The following G3BP1 variants were observed in gnomAD, a reference collection of about 807,000 sequenced individuals.
G3BP1 encodes ras GTPase-activating protein-binding protein 1.
A neutral mutation model predicts 58.6 loss-of-function variants in G3BP1; 35 were observed. The ratio of observed to expected loss-of-function variants is 0.60; its 90% CI spans 0.46 to 0.79. G3BP1 has a LOEUF of 0.79. G3BP1 is among the 30% of genes least tolerant of loss of function. The pLI is 0.00. For synonymous variants in G3BP1, 191 were observed against 195.4 expected (o/e 0.98, Z 0.19); for missense variants, 523 against 580.8 (o/e 0.90, Z 1.02).
intron 6 of G3BP1, 145 bp from the exon 7 acceptor site, chr5:151,797,082 C>G: frequency 1.4e-6 from 1 of 722,974 alleles, no homozygotes; most frequent in South Asian, 1.9e-5. Flanking sequence ...TTTTTAAAAA[C>G]TCAGATAGAT....
chr5:151,783,938 T>C (rs1762515338), intron 1 of G3BP1, among the ~76,000 whole-genome samples: 1 of 152,116 alleles, frequency 6.6e-6, no homozygotes, highest in Admixed American at 6.5e-5. Context: ...AATTTTTGTA[T>C]ATTTAGTAGA....
At position 151,811,089 on chromosome 5, in the gene G3BP1, C is replaced by T. The variant is rs567499699; in HGVS notation, c.*6998C>T. ...CCCCACATCCAGTCTTCAGCTAAGTCCTGTCAGTTCTACCTCAAGTCTTTC... is the reference window on the plus strand; with the variant it reads ...CCCCACATCCAGTCTTCAGCTAAGTTCTGTCAGTTCTACCTCAAGTCTTTC... On this transcript the variant is annotated 3_prime_UTR_variant, in exon 12 of 12. Coordinates refer to ENST00000356245, the MANE Select transcript of G3BP1 (RefSeq NM_005754.3). 1.3e-5 allele frequency: 2 copies of T among 152,222 alleles called. No individual in the cohort carries two copies. The highest frequency in any genetic ancestry group is 2.9e-5 in the Non-Finnish European group (2 of 68,036). The allele number at this position is 152,222 out of a possible 1,614,324, so 9.4% of individuals were successfully genotyped here.
chr5:151,783,919 C>T (rs1214774413), intron 1 of G3BP1, among the ~76,000 whole-genome samples: 2 of 151,942 alleles, frequency 1.3e-5, no homozygotes, highest in East Asian at 1.9e-4. Flanking sequence ...CGTGCCACCA[C>T]GGCCAGCTAA....
In G3BP1 at chr5:151,805,839, T is replaced by C. The variant is rs1001447185; in HGVS notation, c.*1748T>C. On this transcript the variant is annotated 3_prime_UTR_variant, in exon 12 of 12. Coordinates refer to ENST00000356245, the MANE Select transcript of G3BP1 (RefSeq NM_005754.3). ...CATGTGGTGGGTGGAAAGAAAAGTT[T>C]AGTCTGAGTCACTTTGGAAAAAAAA... is the stretch of plus-strand genomic sequence containing the variant. The C allele has an allele frequency of 5.3e-5, 8 of 152,200 alleles. No individual in the cohort carries two copies. Among genetic ancestry groups the C allele is most frequent in the Non-Finnish European group, 1.0e-4 (7 of 68,034 alleles). 9.4% of individuals were successfully genotyped at this position (152,200 alleles called of 1,614,324 possible).
intron 1 of G3BP1, among the ~76,000 whole-genome samples, chr5:151,780,333 TATATG>T (rs1394724847): frequency 2.0e-5 from 3 of 152,214 alleles, no homozygotes; most frequent in Non-Finnish European, 2.9e-5. Flanking sequence ...AATCTTTTAT[TATATG>T]ATATTATATT....
At chr5:151,787,462 T>A (rs1173069889) in intron 2 of G3BP1, 1 of 152,256 alleles carries the variant, frequency 6.6e-6, no homozygotes, top group African/African-American at 2.4e-5. Context: ...GAAACAATTT[T>A]TCTATATATA....
At chr5:151,793,831 C>CAAAA (rs751382380) in intron 4 of G3BP1, among the ~76,000 whole-genome samples, 2 of 97,800 alleles carry the variant, frequency 2.0e-5, no homozygotes, top group South Asian at 3.2e-4. Flanking sequence ...CGTCTCTACT[C>CAAAA]AAAAAAAAAA....
In G3BP1 at chr5:151,773,585, GAAAT is replaced by G. The variant is rs566258406; in HGVS notation, c.-50+1554_-50+1557del. On this transcript the variant is annotated intron_variant, in intron 1 of 11. Coordinates refer to ENST00000356245, the MANE Select transcript of G3BP1 (RefSeq NM_005754.3). ...AAGCCAACATACTCCTTGGCTTAGT[GAAAT>G]AAATCTTCTATGTTATAGAAACACT... 2.5e-4 allele frequency among the ~76,000 whole-genome samples: 38 copies of G among 152,260 alleles called. No homozygotes were observed. The South Asian group carries it at 7.1e-3, about 28-fold the overall frequency.
At chr5:151,794,064 A>G (rs765103572) in intron 4 of G3BP1, 95 bp from the exon 5 acceptor site, 9 of 744,716 alleles carry the variant, frequency 1.2e-5, no homozygotes, top group African/African-American at 8.8e-5. Context: ...CAGATGTCTC[A>G]TGGAGGCAGA....
At chr5:151,803,465 G>A (rs1762890571) in intron 11 of G3BP1, among the ~76,000 whole-genome samples, 1 of 152,010 alleles carries the variant, frequency 6.6e-6, no homozygotes, top group Middle Eastern at 3.2e-3. Context: ...AAACTGAACT[G>A]TGAGAACTTA....
At chr5:151,802,510 TCTC>T (rs1433168157) in intron 11 of G3BP1, among the ~76,000 whole-genome samples, 8 of 152,340 alleles carry the variant, frequency 5.3e-5, no homozygotes, top group East Asian at 3.9e-4. Flanking sequence ...TGGTTTGTAT[TCTC>T]CTTTCATCAC....
At position 151,800,532 on chromosome 5, in the gene G3BP1, A is replaced by G. The variant is rs187489514; in HGVS notation, c.1084+186A>G. 1.5e-3 allele frequency among the ~76,000 whole-genome samples: 235 copies of G among 152,296 alleles called. 7 individuals are homozygous for G. In the South Asian group the frequency reaches 0.033, roughly 21 times the overall value. ...TTAAGGCATTGTCATTTCAACATGTAAGAATATTGTGAGAGATATTTTACA... is the reference window on the plus strand; with the variant it reads ...TTAAGGCATTGTCATTTCAACATGTGAGAATATTGTGAGAGATATTTTACA... On this transcript the variant is annotated intron_variant, in intron 10 of 11. Transcript: ENST00000356245.
Position 151,804,125 on chromosome 5 carries a change from C to T in G3BP1, c.*34C>T, listed in dbSNP as rs763289717. ...GGATCTTCATGCAGCCATACAAACC[C>T]TGGTTCCAACAGAATGGTGAATTTT... On this transcript the variant is annotated 3_prime_UTR_variant, in exon 12 of 12. Transcript: ENST00000356245. 5 of 1,456,250 alleles carry T rather than the reference C, an allele frequency of 3.4e-6. No individual in the cohort carries two copies. The highest frequency in any genetic ancestry group is 1.4e-5 in the African/African-American group (1 of 71,080). The allele number at this position is 1,456,250 out of a possible 1,614,324, so 90.2% of individuals were successfully genotyped here. A position where few individuals can be genotyped will look rare whatever the true frequency, so the allele number is the denominator to read the frequency against.
At chr5:151,777,366 A>G (rs956669184) in intron 1 of G3BP1, among the ~76,000 whole-genome samples, 1 of 152,268 alleles carries the variant, frequency 6.6e-6, no homozygotes, top group Non-Finnish European at 1.5e-5. Context: ...ACTTTTTTAA[A>G]GTAAAAAGAC....
At chr5:151,788,760 C>T (rs1170546876) in intron 2 of G3BP1, among the ~76,000 whole-genome samples, 2 of 151,678 alleles carry the variant, frequency 1.3e-5, no homozygotes, top group Non-Finnish European at 1.5e-5. Context: ...ACTATGGGTG[C>T]GCACCACCAC....
At chr5:151,796,170 C>G (rs1762744892) in intron 6 of G3BP1, among the ~76,000 whole-genome samples, 1 of 152,178 alleles carries the variant, frequency 6.6e-6, no homozygotes, top group African/African-American at 2.4e-5. Context: ...ATGAACTAAT[C>G]AGGTTACTCA....
chr5:151,800,791 C>T lies in G3BP1; in HGVS notation c.1116C>T (p.Asn372=). 5 of 1,612,010 alleles carry T rather than the reference C, an allele frequency of 3.1e-6. No homozygotes were observed. Among genetic ancestry groups the T allele is most frequent in the Non-Finnish European group, 4.2e-6 (5 of 1,178,352 alleles). The change falls in exon 11 of 12, where the codon AAC becomes AAT. Residue 372 remains asparagine, a synonymous_variant. Transcript: ENST00000356245. ...SYGNVVELRI[N]SGGKLPNFGF... Reference sequence around the variant, plus strand: ...GAAACGTGGTGGAGTTGCGCATTAACAGTGGTGGGAAATTACCCAATTTTG... The same window carrying T: ...GAAACGTGGTGGAGTTGCGCATTAATAGTGGTGGGAAATTACCCAATTTTG...
At chr5:151,782,593 A>G (rs1762485912) in intron 1 of G3BP1, among the ~76,000 whole-genome samples, 1 of 152,192 alleles carries the variant, frequency 6.6e-6, no homozygotes, top group African/African-American at 2.4e-5. Context: ...GCCAAAGTCC[A>G]TAGTTGTAGA....
In G3BP1 at chr5:151,804,542, C is replaced by G. The variant is rs546016932; in HGVS notation, c.*451C>G. The stretch of plus-strand genomic sequence containing the variant: ...GATAATATTTTGAAGGCAGGAAAAA[C>G]CCAAATTGTTTCTTCTTTGAGAGTC... On this transcript the variant is annotated 3_prime_UTR_variant, in exon 12 of 12. Coordinates refer to ENST00000356245, the MANE Select transcript of G3BP1 (RefSeq NM_005754.3). 6.5e-6 allele frequency: 1 copy of G among 152,948 alleles called. No homozygotes were observed. Among genetic ancestry groups the G allele is most frequent in the African/African-American group, 2.4e-5 (1 of 41,542 alleles). 9.5% of individuals were successfully genotyped at this position (152,948 alleles called of 1,614,324 possible). A position where few individuals can be genotyped will look rare whatever the true frequency, so the allele number is the denominator to read the frequency against.
Sources: allele counts gnomAD v4.1 joint callset (sites outside exome capture counted in the v4.1 genomes callset), GRCh38; gene constraint gnomAD v4.1.1; transcripts MANE v1.5; gene names NCBI Gene and HGNC (gene_info 2026-07-23, HGNC 2026-07-21).